The following GBF1 variants were observed in gnomAD, a reference collection of about 807,000 sequenced individuals.
GBF1 encodes the protein Golgi-specific brefeldin A-resistance guanine nucleotide exchange factor 1.
A neutral mutation model predicts 210.5 loss-of-function variants in GBF1; 114 were observed. The observed-to-expected ratio is 0.54, with a 90% CI of 0.47 to 0.63. The LOEUF (loss-of-function observed/expected upper bound fraction) is 0.63. Among genes scored for constraint, GBF1 ranks in the 30% least tolerant of loss-of-function variants. The probability of loss-of-function intolerance (pLI) is 0.00; values close to 1 mark genes in which losing one functional copy is unlikely to be tolerated. For synonymous variants in GBF1, 850 were observed against 889.2 expected, an observed-to-expected ratio of 0.96 and a Z score of 0.78; for missense variants, 1,851 against 2,357.7, an observed-to-expected ratio of 0.79 and a Z score of 4.45.
intron 3 of GBF1, among the ~76,000 whole-genome samples, chr10:102,263,119 C>T (rs2073438835): frequency 6.6e-6 from 1 of 152,200 alleles, no homozygotes; most frequent in South Asian, 2.1e-4. Flanking sequence ...ACCCCACACA[C>T]AGTGCCGGCT....
At chr10:102,324,987 C>T (rs1233779207) in intron 3 of GBF1, among the ~76,000 whole-genome samples, 2 of 152,134 alleles carry the variant, frequency 1.3e-5, no homozygotes, top group Non-Finnish European at 2.9e-5. Context: ...TATAAGGTGC[C>T]TAGTACAATG....
chr10:102,334,989 A>G (rs933088552), intron 3 of GBF1, among the ~76,000 whole-genome samples: 2 of 152,102 alleles, frequency 1.3e-5, no homozygotes, highest in African/African-American at 4.8e-5. Flanking sequence ...ATGTCATAAT[A>G]TGGGGAGTGA....
chr10:102,309,279 G>A (rs544138319), intron 3 of GBF1, among the ~76,000 whole-genome samples: 4 of 152,326 alleles, frequency 2.6e-5, no homozygotes, highest in African/African-American at 9.6e-5. Context: ...ATTAATTACA[G>A]CTTGTCTTGG....
At chr10:102,233,706 G>A in the GBF1 span, among the ~76,000 whole-genome samples, 6 of 152,166 alleles carry the variant, frequency 3.9e-5, no homozygotes, top group Non-Finnish European at 5.9e-5. Context: ...CTGGTCTCAT[G>A]CCTGCACCGA....
intron 13 of GBF1, 127 bp from the exon 14 acceptor site, chr10:102,361,591 G>A (rs1295574269): frequency 1.6e-6 from 1 of 612,506 alleles, no homozygotes; most frequent in Non-Finnish European, 2.8e-6. Context: ...ATACCTTTGG[G>A]TGTCTCTTAA....
intron 3 of GBF1, among the ~76,000 whole-genome samples, chr10:102,274,176 C>A (rs763619259): frequency 7.9e-5 from 12 of 152,158 alleles, no homozygotes; most frequent in Non-Finnish European, 1.8e-4. Flanking sequence ...ATTTGAGAAG[C>A]TCTGGAATTT....
chr10:102,265,671 G>A (rs2073786701), intron 3 of GBF1, among the ~76,000 whole-genome samples: 1 of 152,122 alleles, frequency 6.6e-6, no homozygotes, highest in African/African-American at 2.4e-5. Context: ...AGTGACAAGA[G>A]TGAGACCCTT....
intron 3 of GBF1, among the ~76,000 whole-genome samples, chr10:102,278,897 T>A (rs1484943801): frequency 6.6e-6 from 1 of 152,230 alleles, no homozygotes; most frequent in Non-Finnish European, 1.5e-5. Flanking sequence ...AGTGTTAATC[T>A]GATTTATTTA....
At chr10:102,352,311 T>A in intron 6 of GBF1, 147 bp from the exon 7 acceptor site, 3 of 663,624 alleles carry the variant, frequency 4.5e-6, no homozygotes, top group Non-Finnish European at 8.3e-6. Context: ...AGTGAAGTTC[T>A]GGCTGCCAGG....
intron 35 of GBF1, 70 bp downstream of exon 35, chr10:102,379,721 G>A: frequency 6.4e-7 from 1 of 1,554,270 alleles, no homozygotes. Context: ...AGCCTGAAGA[G>A]CCCCTAATGT....
In GBF1 at chr10:102,366,267, T is replaced by TA. The variant is rs959179964; in HGVS notation, c.2310-115dup. 9 of 1,047,152 alleles carry TA rather than the reference T, an allele frequency of 8.6e-6. No homozygotes were observed. The African/African-American group carries it at 1.3e-4, about 15-fold the overall frequency. The allele number at this position is 1,047,152 out of a possible 1,614,324, so 64.9% of individuals were successfully genotyped here. On this transcript the variant is annotated intron_variant, in intron 18 of 39. Coordinates refer to ENST00000369983, the MANE Select transcript of GBF1 (RefSeq NM_001377137.1). The surrounding 1 kb of genome is among the most constrained non-coding windows in gnomAD (Gnocchi z 4.0). ...TGAACAGGAGATACTGCCCCTTTAC[T>TA]AGAGACCTCAGCCTCCTCTCTTCCA...
At chr10:102,284,268 T>G (rs2075755884) in intron 3 of GBF1, among the ~76,000 whole-genome samples, 1 of 152,202 alleles carries the variant, frequency 6.6e-6, no homozygotes, top group Non-Finnish European at 1.5e-5. Context: ...TTTAAAAAAC[T>G]GAAGTGAAAT....
At chr10:102,273,069 G>A (rs534102645) in intron 3 of GBF1, among the ~76,000 whole-genome samples, 4 of 152,340 alleles carry the variant, frequency 2.6e-5, no homozygotes, top group African/African-American at 9.6e-5. Context: ...CTGGCCGAGT[G>A]TGGTAGCTCA....
intron 3 of GBF1, among the ~76,000 whole-genome samples, chr10:102,318,861 C>CT (rs772163628): frequency 1.5e-4 from 23 of 152,244 alleles, no homozygotes; most frequent in Non-Finnish European, 2.9e-4. Context: ...CCCCATTCTC[C>CT]TTTCCTCCAT....
intron 30 of GBF1, 100 bp downstream of exon 30, chr10:102,375,684 T>G (rs1196926524): frequency 8.0e-6 from 6 of 749,090 alleles, no homozygotes; most frequent in Middle Eastern, 2.7e-4. Context: ...TTCAGCAGAT[T>G]AAACAGCCCT....
intron 3 of GBF1, among the ~76,000 whole-genome samples, chr10:102,287,758 C>G (rs1262049859): frequency 6.6e-6 from 1 of 152,082 alleles, no homozygotes; most frequent in Non-Finnish European, 1.5e-5. Flanking sequence ...GTTTTCTGAC[C>G]CAACCTCAGA....
the GBF1 span, among the ~76,000 whole-genome samples, chr10:102,232,938 C>G: frequency 1.3e-5 from 2 of 152,186 alleles, no homozygotes; most frequent in African/African-American, 4.8e-5. Context: ...CTCATTCTCT[C>G]TCCCCTCACA....
intron 2 of GBF1, among the ~76,000 whole-genome samples, chr10:102,259,707 C>T (rs1447944418): frequency 1.3e-5 from 2 of 152,050 alleles, no homozygotes; most frequent in African/African-American, 4.8e-5. Flanking sequence ...TCAGGAATAT[C>T]TTTGAAATGA....
At chr10:102,253,546 C>T (rs2071894497) in intron 1 of GBF1, among the ~76,000 whole-genome samples, 2 of 152,244 alleles carry the variant, frequency 1.3e-5, no homozygotes, top group South Asian at 4.1e-4. Flanking sequence ...CAGGGTCTTA[C>T]TCTGTTGTCC....
Sources: allele counts gnomAD v4.1 joint callset (sites outside exome capture counted in the v4.1 genomes callset), GRCh38; gene constraint gnomAD v4.1.1; non-coding constraint Gnocchi (gnomAD v3.1); transcripts MANE v1.5; gene names NCBI Gene and HGNC (gene_info 2026-07-23, HGNC 2026-07-21).